The following ARHGEF6 variants were observed in gnomAD, a reference collection of about 807,000 sequenced individuals.
ARHGEF6 encodes the protein rho guanine nucleotide exchange factor 6.
In ARHGEF6, 9 loss-of-function variants were observed where a neutral mutation model predicts 70.3. The observed-to-expected ratio is 0.13, with a 90% CI of 0.08 to 0.22. The LOEUF (loss-of-function observed/expected upper bound fraction) is 0.22. Ranked by LOEUF, ARHGEF6 falls within the 10% of genes least tolerant of loss-of-function variation. ARHGEF6 has a pLI of 1.00. For missense variants in ARHGEF6, 470 were observed against 563.0 expected (o/e 0.83, Z 1.67); for synonymous variants, 201 against 207.8 (o/e 0.97, Z 0.28).
At chrX:136,777,753 T>G (rs1377749940) in intron 2 of ARHGEF6, among the ~76,000 whole-genome samples, 1 of 48,006 alleles carries the variant, frequency 2.1e-5, no homozygotes, top group Non-Finnish European at 5.4e-5. Flanking sequence ...ATATATAATA[T>G]GTATACATAC....
At chrX:136,668,875 C>T (rs1332918315) in intron 21 of ARHGEF6, among the ~76,000 whole-genome samples, 2 of 111,189 alleles carry the variant, frequency 1.8e-5, no homozygotes, top group Non-Finnish European at 3.8e-5. Flanking sequence ...CTTTCTTAAT[C>T]TCAAAATCAT....
At chrX:136,695,572 A>C (rs893967832) in intron 9 of ARHGEF6, among the ~76,000 whole-genome samples, 5 of 112,650 alleles carry the variant, frequency 4.4e-5, no homozygotes, top group African/African-American at 1.6e-4. Flanking sequence ...ACTTGAGGTA[A>C]ACCATTTCTT....
intron 2 of ARHGEF6, among the ~76,000 whole-genome samples, chrX:136,770,275 T>C (rs753243547): frequency 8.9e-6 from 1 of 112,640 alleles, no homozygotes; most frequent in Non-Finnish European, 1.9e-5. Context: ...ATTGATGTAA[T>C]ACAGCATACA....
intron 2 of ARHGEF6, among the ~76,000 whole-genome samples, chrX:136,772,754 T>C (rs185763157): frequency 2.1e-4 from 23 of 111,222 alleles, no homozygotes; most frequent in African/African-American, 7.5e-4. Flanking sequence ...TCCCAGCTAC[T>C]TGGGAGGCTG....
In ARHGEF6 at chrX:136,675,018, C is replaced by A. The variant is rs1426557239; in HGVS notation, c.2024G>T (p.Gly675Val). Residue 675 changes from glycine (G) to valine (V), a missense_variant, in exon 19 of 22, where the codon GGC (glycine) becomes GTC (valine). Gly to Val is a moderately radical substitution (Grantham distance 109). Around this residue, in one of 3 missense-constraint regions of ARHGEF6, gnomAD observed 88 missense variants for 95.5 expected, o/e 0.92. Transcript: ENST00000250617. ...TTGGGGGAACCTACTTGAGCCATGG[C>A]CTTGTTGAAAATTTGCGCTGGTGCA... ...AYCTSANFQQ[G>V]HGSSTRKDSI... 6.6e-6 allele frequency: 8 copies of A among 1,210,579 alleles called. No individual in the cohort carries two copies. In the African/African-American group the frequency reaches 6.9e-5, roughly 10 times the overall value.
chrX:136,699,075 G>A (rs958398300), intron 9 of ARHGEF6, among the ~76,000 whole-genome samples: 2 of 110,984 alleles, frequency 1.8e-5, no homozygotes, highest in African/African-American at 6.6e-5. Context: ...AAATAGAAAT[G>A]GTAAATAAGA....
chrX:136,721,902 T>TA (rs940257460), intron 6 of ARHGEF6, among the ~76,000 whole-genome samples: 1 of 111,201 alleles, frequency 9.0e-6, no homozygotes, highest in Non-Finnish European at 1.9e-5. Context: ...ATTGTACTCT[T>TA]AAAAAATGCC....
At chrX:136,684,559 C>A (rs5929769) in intron 12 of ARHGEF6, among the ~76,000 whole-genome samples, 29 of 110,371 alleles carry the variant, frequency 2.6e-4, no homozygotes, top group African/African-American at 6.9e-4. Context: ...CAGCTCCCCC[C>A]ACCCCCCGGG....
At chrX:136,767,531 C>A in intron 2 of ARHGEF6, 7 of 754,939 alleles carry the variant, frequency 9.3e-6, no homozygotes, top group Non-Finnish European at 1.1e-5. Flanking sequence ...CATAGCCGTG[C>A]CGCTCGGCGG....
At chrX:136,710,312 T>C (rs1338569726) in intron 7 of ARHGEF6, among the ~76,000 whole-genome samples, 3 of 81,989 alleles carry the variant, frequency 3.7e-5, no homozygotes, top group African/African-American at 5.5e-5. Context: ...CTATATAATA[T>C]ATATATTATA....
intron 6 of ARHGEF6, among the ~76,000 whole-genome samples, chrX:136,731,488 AG>A (rs1488547107): frequency 1.8e-5 from 2 of 112,114 alleles, no homozygotes; most frequent in Non-Finnish European, 3.8e-5. Flanking sequence ...ATGAAGAGAA[AG>A]CAGAGAGTAG....
chrX:136,703,054 A>G (rs2076591747), intron 9 of ARHGEF6, among the ~76,000 whole-genome samples: 1 of 111,842 alleles, frequency 8.9e-6, no homozygotes, highest in African/African-American at 3.3e-5. Flanking sequence ...AAAAGAATAA[A>G]ATGGAACCAT....
intron 2 of ARHGEF6, among the ~76,000 whole-genome samples, chrX:136,775,724 G>A (rs2077399410): frequency 9.0e-6 from 1 of 111,113 alleles, no homozygotes. Flanking sequence ...AAGAAATAAG[G>A]GGCATCCAAA....
chrX:136,704,861 C>T (rs1603340312), intron 9 of ARHGEF6, among the ~76,000 whole-genome samples: 1 of 111,788 alleles, frequency 8.9e-6, no homozygotes, highest in East Asian at 2.8e-4. Context: ...AAATGCATAT[C>T]AATCTCACCA....
At chrX:136,742,353 G>A (rs1603350807) in intron 5 of ARHGEF6, among the ~76,000 whole-genome samples, 3 of 111,246 alleles carry the variant, frequency 2.7e-5, no homozygotes, top group African/African-American at 6.5e-5. Flanking sequence ...AGAGTCAACC[G>A]TATATTTCCA....
At chrX:136,698,165 G>A (rs906225801) in intron 9 of ARHGEF6, among the ~76,000 whole-genome samples, 4 of 111,545 alleles carry the variant, frequency 3.6e-5, no homozygotes, top group African/African-American at 1.3e-4. Flanking sequence ...ATCTGAACTG[G>A]CAGAAGAAAG....
At chrX:136,777,242 A>G (rs1342775373) in intron 2 of ARHGEF6, among the ~76,000 whole-genome samples, 1 of 111,626 alleles carries the variant, frequency 9.0e-6, no homozygotes, top group Non-Finnish European at 1.9e-5. Context: ...AAAACAAAAC[A>G]AAAACAAAAA....
chrX:136,668,533 CTTATTA>C lies in ARHGEF6; in HGVS notation c.2191-370_2191-365del, dbSNP rs58182405. On this transcript the variant is annotated intron_variant, in intron 21 of 21. Coordinates refer to ENST00000250617, the MANE Select transcript of ARHGEF6 (RefSeq NM_004840.3). The stretch of plus-strand genomic sequence containing the variant: ...GGTATTTCTTCTTCTTCTTCTTCTT[CTTATTA>C]TTATTATTATTATTATTATTTTATT... Among the ~76,000 whole-genome samples, 459 of 98,459 alleles carry C rather than the reference CTTATTA, an allele frequency of 4.7e-3. 2 individuals are homozygous for C. Among genetic ancestry groups the C allele is most frequent in the African/African-American group, 0.017 (438 of 26,459 alleles). 85.5% of individuals were successfully genotyped at this position (98,459 alleles called of 115,157 possible).
chrX:136,716,330 G>C (rs938952385), intron 6 of ARHGEF6, among the ~76,000 whole-genome samples: 2 of 112,098 alleles, frequency 1.8e-5, no homozygotes, highest in African/African-American at 6.5e-5. Flanking sequence ...CTTCCACATG[G>C]GGGAAGGAAG....
Sources: gnomAD v4.1 joint callset for allele counts (sites outside exome capture counted in the v4.1 genomes callset) on GRCh38, gnomAD v4.1.1 for gene constraint, gnomAD v4.1.1 regional missense constraint, MANE v1.5 for transcripts, NCBI Gene and HGNC (gene_info 2026-07-23, HGNC 2026-07-21) for gene names.